The following CADPS variants were observed in gnomAD, a reference collection of about 807,000 sequenced individuals.
CADPS encodes the protein calcium-dependent secretion activator 1.
A neutral mutation model predicts 167.3 loss-of-function variants in CADPS; 57 were observed. The observed-to-expected ratio is 0.34, with a 90% CI of 0.28 to 0.42. The LOEUF is 0.42. CADPS is among the 20% of genes least tolerant of loss of function. The probability of loss-of-function intolerance (pLI) is 1.00; values close to 1 mark genes in which losing one functional copy is unlikely to be tolerated. For synonymous variants in CADPS, 676 were observed against 635.3 expected (o/e 1.06, Z -0.96); for missense variants, 1,414 against 1,738.1 (o/e 0.81, Z 3.32).
Position 62,585,052 on chromosome 3 carries a change from C to A in CADPS, c.1577+133G>T, listed in dbSNP as rs78678119. On this transcript the variant is annotated intron_variant, in intron 8 of 29. Transcript: ENST00000383710. ...GGAAGTTTACAGTAAATATCAAAGT[C>A]GAATATTTTAATATGAATTCTTTAT... 6 of 843,602 alleles carry A rather than the reference C, an allele frequency of 7.1e-6. No individual in the cohort carries two copies. The African/African-American group carries it at 8.7e-5, about 12-fold the overall frequency. The allele number at this position is 843,602 out of a possible 1,614,324, so 52.3% of individuals were successfully genotyped here.
intron 1 of CADPS, among the ~76,000 whole-genome samples, chr3:62,812,481 A>T (rs1246249438): frequency 1.3e-5 from 2 of 152,180 alleles, no homozygotes; most frequent in African/African-American, 4.8e-5. Context: ...GAGTTAATAA[A>T]AAAGCCATCT....
At chr3:62,810,530 T>G (rs2094345023) in intron 1 of CADPS, among the ~76,000 whole-genome samples, 1 of 152,212 alleles carries the variant, frequency 6.6e-6, no homozygotes, top group African/African-American at 2.4e-5. Flanking sequence ...TCTTTATTAC[T>G]CGGATTTGTT....
intron 18 of CADPS, among the ~76,000 whole-genome samples, chr3:62,498,527 G>T (rs527437687): frequency 3.9e-5 from 6 of 152,074 alleles, no homozygotes; most frequent in African/African-American, 4.8e-5. Flanking sequence ...GTCCTTATAG[G>T]TTTGGGATTT....
intron 26 of CADPS, among the ~76,000 whole-genome samples, chr3:62,457,043 T>A (rs1404720608): frequency 2.0e-5 from 3 of 152,324 alleles, no homozygotes; most frequent in African/African-American, 7.2e-5. Context: ...AGTAAGATTT[T>A]TTTTTTAAAC....
intron 28 of CADPS, among the ~76,000 whole-genome samples, chr3:62,428,630 C>T (rs367591555): frequency 6.6e-6 from 1 of 152,120 alleles, no homozygotes; most frequent in South Asian, 2.1e-4. Flanking sequence ...TTCCTAAGCT[C>T]GACTTTGTTG....
intron 10 of CADPS, 135 bp downstream of exon 10, chr3:62,557,270 C>T: frequency 1.5e-6 from 1 of 679,274 alleles, no homozygotes; most frequent in Non-Finnish European, 2.7e-6. Context: ...TTGTGACTGT[C>T]ATGCACACAG....
chr3:62,749,578 A>G (rs1026752164), intron 3 of CADPS, among the ~76,000 whole-genome samples: 1 of 152,206 alleles, frequency 6.6e-6, no homozygotes, highest in Non-Finnish European at 1.5e-5. Context: ...ATACAATATC[A>G]TTTCTGTATT....
chr3:62,873,050 C>T (rs1364051293), intron 1 of CADPS, among the ~76,000 whole-genome samples: 3 of 152,192 alleles, frequency 2.0e-5, no homozygotes, highest in Non-Finnish European at 4.4e-5. Context: ...TACTTTTGCT[C>T]TACTGCAGTC....
chr3:62,575,261 A>T (rs1217775679), intron 8 of CADPS, among the ~76,000 whole-genome samples: 2 of 152,226 alleles, frequency 1.3e-5, no homozygotes, highest in African/African-American at 2.4e-5. Flanking sequence ...TAATAAAAAC[A>T]ATAGCTACTA....
chr3:62,499,882 T>C (rs2065452128), intron 17 of CADPS: 1 of 152,202 alleles, frequency 6.6e-6, no homozygotes, highest in Non-Finnish European at 1.5e-5. Context: ...TTGTGATAGT[T>C]TGTGCTACTG....
chr3:62,419,753 A>G (rs1481667970), intron 28 of CADPS, among the ~76,000 whole-genome samples: 1 of 152,178 alleles, frequency 6.6e-6, no homozygotes, highest in Admixed American at 6.5e-5. Flanking sequence ...GACGTAAGCA[A>G]CTGAATAAGA....
chr3:62,635,648 T>A (rs952856205), intron 6 of CADPS, among the ~76,000 whole-genome samples: 1 of 570 alleles, frequency 1.8e-3, no homozygotes, highest in African/African-American at 2.6e-3. Context: ...CTTTCTCTGT[T>A]TTTTTTTTTT....
intron 1 of CADPS, among the ~76,000 whole-genome samples, chr3:62,841,307 T>C (rs1254121477): frequency 1.3e-5 from 2 of 152,346 alleles, no homozygotes; most frequent in East Asian, 1.9e-4. Context: ...CACAGTGATA[T>C]GTGCAGAGGA....
intron 3 of CADPS, among the ~76,000 whole-genome samples, chr3:62,704,824 T>C (rs1283149618): frequency 6.6e-6 from 1 of 152,162 alleles, no homozygotes; most frequent in African/African-American, 2.4e-5. Flanking sequence ...GTAGGCATTG[T>C]GTAGACTATT....
At chr3:62,532,449 TA>T (rs2073892007) in intron 13 of CADPS, among the ~76,000 whole-genome samples, 1 of 152,024 alleles carries the variant, frequency 6.6e-6, no homozygotes, top group Non-Finnish European at 1.5e-5. Flanking sequence ...CAAAGGCAAA[TA>T]TTTATTGTTT....
intron 28 of CADPS, among the ~76,000 whole-genome samples, chr3:62,408,963 A>AGTG (rs2048422580): frequency 5.3e-5 from 8 of 152,220 alleles, no homozygotes; most frequent in Non-Finnish European, 1.2e-4. Flanking sequence ...ATATACACCC[A>AGTG]TATGCACTCA....
chr3:62,478,085 G>A lies in CADPS; in HGVS notation c.3329+176C>T. ...TATTTTGGGTTTGGGACAGATGGAG[G>A]GCAGGTGAATGGAAGTTAGACGTTG... is the stretch of plus-strand genomic sequence containing the variant. On this transcript the variant is annotated intron_variant, in intron 23 of 29. Transcript: ENST00000383710. The surrounding 1 kb of genome is among the most constrained non-coding windows in gnomAD (Gnocchi z 5.7). 1 of 639,012 alleles carries A rather than the reference G, an allele frequency of 1.6e-6. No individual in the cohort carries two copies. Among genetic ancestry groups the A allele is most frequent in the African/African-American group, 1.8e-5 (1 of 55,170 alleles). 39.6% of individuals were successfully genotyped at this position (639,012 alleles called of 1,614,324 possible). A position where few individuals can be genotyped will look rare whatever the true frequency, so the allele number is the denominator to read the frequency against.
intron 6 of CADPS, among the ~76,000 whole-genome samples, chr3:62,630,558 T>G (rs549090361): frequency 1.4e-4 from 22 of 152,246 alleles, no homozygotes; most frequent in African/African-American, 4.8e-4. Context: ...GGTTTCACCA[T>G]GTTGGCCAGG....
At chr3:62,543,089 C>A (rs557858188) in intron 11 of CADPS, among the ~76,000 whole-genome samples, 3 of 152,196 alleles carry the variant, frequency 2.0e-5, no homozygotes, top group African/African-American at 7.2e-5. Flanking sequence ...TTAATATGGT[C>A]TGTTTAGATC....
Sources: gnomAD v4.1 joint callset for allele counts (sites outside exome capture counted in the v4.1 genomes callset) on GRCh38, gnomAD v4.1.1 for gene constraint, Gnocchi (gnomAD v3.1) non-coding constraint, MANE v1.5 for transcripts, NCBI Gene and HGNC (gene_info 2026-07-23, HGNC 2026-07-21) for gene names.